The following SLC25A48 variants were observed in gnomAD, a reference collection of about 807,000 sequenced individuals.
SLC25A48 encodes the protein CTC-321K16.1.
In SLC25A48, 29 loss-of-function variants were observed where a neutral mutation model predicts 32.2. The ratio of observed to expected loss-of-function variants is 0.90; its 90% CI spans 0.67 to 1.23. The LOEUF (loss-of-function observed/expected upper bound fraction) is 1.23, where lower values mean the gene tolerates loss of function less well. Among genes scored for constraint, SLC25A48 ranks in the 50% most tolerant of loss-of-function variants. The probability of loss-of-function intolerance (pLI) is 0.00; values close to 1 mark genes in which losing one functional copy is unlikely to be tolerated. For synonymous variants in SLC25A48, 164 were observed against 172.3 expected, an observed-to-expected ratio of 0.95 and a Z score of 0.38; for missense variants, 399 against 422.7, an observed-to-expected ratio of 0.94 and a Z score of 0.49.
At chr5:135,821,521 CT>C (rs1440103328) in intron 4 of SLC25A48, among the ~76,000 whole-genome samples, 1 of 152,202 alleles carries the variant, frequency 6.6e-6, no homozygotes, top group Non-Finnish European at 1.5e-5. Flanking sequence ...TGCTGAGTCA[CT>C]CTCACAGTCT....
intron 4 of SLC25A48, among the ~76,000 whole-genome samples, chr5:135,818,812 C>T (rs114506082): frequency 1.3e-3 from 198 of 152,058 alleles, no homozygotes; most frequent in African/African-American, 4.5e-3. Context: ...ATTACAACTA[C>T]GTTCTGTGAG....
intron 3 of SLC25A48, among the ~76,000 whole-genome samples, chr5:135,763,536 G>A (rs1444302841): frequency 1.3e-5 from 2 of 152,056 alleles, no homozygotes; most frequent in Admixed American, 6.6e-5. Context: ...ATATTCTATG[G>A]AGGAGGAGGA....
At chr5:135,862,433 GT>G (rs113863917) in intron 4 of SLC25A48, among the ~76,000 whole-genome samples, 2,118 of 152,338 alleles carry the variant, frequency 0.014, 39 homozygotes, top group African/African-American at 0.045. Flanking sequence ...GGAGATGAGT[GT>G]TTACACCTGT....
At chr5:135,587,086 A>G (rs1406840031) in intron 1 of SLC25A48, among the ~76,000 whole-genome samples, 1 of 152,034 alleles carries the variant, frequency 6.6e-6, no homozygotes, top group Non-Finnish European at 1.5e-5. Context: ...GTTGGAGTGC[A>G]GTGGTGTGAT....
chr5:135,835,110 C>T, intron 1 of SLC25A48: 3 of 712,054 alleles, frequency 4.2e-6, no homozygotes, highest in Non-Finnish European at 7.7e-6. Flanking sequence ...GGCTGAGCTT[C>T]TGATTTGCTC....
intron 3 of SLC25A48, among the ~76,000 whole-genome samples, chr5:135,726,428 G>C (rs1755090899): frequency 6.6e-6 from 1 of 152,072 alleles, no homozygotes; most frequent in Non-Finnish European, 1.5e-5. Flanking sequence ...TAATCACAAG[G>C]ATCCCTCATG....
intron 3 of SLC25A48, among the ~76,000 whole-genome samples, chr5:135,802,160 A>C (rs1030470782): frequency 4.9e-5 from 7 of 142,048 alleles, no homozygotes; most frequent in Non-Finnish European, 8.1e-5. Context: ...CTAATATCAC[A>C]GTGGGTTTAC....
intron 1 of SLC25A48, among the ~76,000 whole-genome samples, chr5:135,608,406 G>T (rs780008752): frequency 2.0e-5 from 3 of 152,238 alleles, no homozygotes; most frequent in Non-Finnish European, 1.5e-5. Flanking sequence ...GCTTGAGTAT[G>T]TATAGCTCAA....
At chr5:135,779,285 A>T (rs995086321) in intron 3 of SLC25A48, among the ~76,000 whole-genome samples, 1 of 151,924 alleles carries the variant, frequency 6.6e-6, no homozygotes, top group South Asian at 2.1e-4. Context: ...CCAATGTTGC[A>T]GAGGTGAACA....
intron 3 of SLC25A48, among the ~76,000 whole-genome samples, chr5:135,755,586 T>C (rs975311631): frequency 6.6e-6 from 1 of 152,074 alleles, no homozygotes. Flanking sequence ...ATCGCTGTGA[T>C]ATTTACCATA....
intron 1 of SLC25A48, chr5:135,609,650 G>T (rs1330767565): frequency 6.6e-6 from 1 of 152,200 alleles, no homozygotes; most frequent in Admixed American, 6.5e-5. Context: ...CTGGCAGGTG[G>T]TTTACAAATC....
intron 3 of SLC25A48, among the ~76,000 whole-genome samples, chr5:135,777,433 C>T (rs1756593561): frequency 6.6e-6 from 1 of 151,674 alleles, no homozygotes; most frequent in African/African-American, 2.4e-5. Flanking sequence ...AATGATATTA[C>T]TCCCAATATC....
At chr5:135,819,070 C>A (rs1034627264) in intron 4 of SLC25A48, among the ~76,000 whole-genome samples, 2 of 151,314 alleles carry the variant, frequency 1.3e-5, no homozygotes, top group African/African-American at 4.9e-5. Context: ...ATGAGCAGAG[C>A]CTCAGGGATC....
At chr5:135,713,083 A>T (rs919707569) in intron 3 of SLC25A48, among the ~76,000 whole-genome samples, 6 of 152,168 alleles carry the variant, frequency 3.9e-5, no homozygotes, top group Admixed American at 1.3e-4. Flanking sequence ...TAACCTAAGA[A>T]CTTGCTATGC....
intron 3 of SLC25A48, among the ~76,000 whole-genome samples, chr5:135,651,425 C>T (rs1753110123): frequency 6.6e-6 from 1 of 152,160 alleles, no homozygotes; most frequent in Non-Finnish European, 1.5e-5. Flanking sequence ...GTGTGGACAC[C>T]TTCCCCTGAC....
intron 3 of SLC25A48, among the ~76,000 whole-genome samples, chr5:135,749,755 C>T (rs1755726846): frequency 6.6e-6 from 1 of 152,068 alleles, no homozygotes; most frequent in African/African-American, 2.4e-5. Context: ...CCACGCTGGG[C>T]TAATTTTTGT....
At chr5:135,793,912 C>T (rs1480291611) in intron 3 of SLC25A48, among the ~76,000 whole-genome samples, 2 of 147,484 alleles carry the variant, frequency 1.4e-5, no homozygotes, top group Admixed American at 6.8e-5. Context: ...TGTGTACAAC[C>T]TGGGATATTA....
rs1215538872 is a variant in SLC25A48 at position 135,709,154 on chromosome 5, C to G, written c.-521+74198C>G. Among the ~76,000 whole-genome samples, 3 of 152,336 alleles carry G rather than the reference C, an allele frequency of 2.0e-5. No homozygotes were observed. The East Asian group carries it at 5.8e-4, about 29-fold the overall frequency. The stretch of plus-strand genomic sequence containing the variant: ...ATGACAGTAAAACAAAGACCCCTGA[C>G]AGCTCCCAAGGTATCCAGCCCCTGA... On this transcript the variant is annotated intron_variant, in intron 3 of 10. Transcript: ENST00000646290.
intron 4 of SLC25A48, among the ~76,000 whole-genome samples, chr5:135,859,006 C>A (rs773456059): frequency 2.6e-5 from 4 of 152,074 alleles, no homozygotes; most frequent in Non-Finnish European, 5.9e-5. Flanking sequence ...TGTTTTCTGC[C>A]AGGAATCCCT....
Sources: allele counts gnomAD v4.1 joint callset (sites outside exome capture counted in the v4.1 genomes callset), GRCh38; gene constraint gnomAD v4.1.1; transcripts MANE v1.5; gene names NCBI Gene and HGNC (gene_info 2026-07-23, HGNC 2026-07-21).